MCPH1: variants seen among roughly 807,000 people sequenced by gnomAD.
MCPH1 encodes the protein microcephalin.
A neutral mutation model predicts 84.5 loss-of-function variants in MCPH1; 104 were observed. The observed-to-expected ratio is 1.23, with a 90% CI of 1.05 to 1.45. The LOEUF (loss-of-function observed/expected upper bound fraction) is 1.45, where lower values mean the gene tolerates loss of function less well. MCPH1 is among the 40% of genes most tolerant of loss of function. The pLI is 0.00. For missense variants in MCPH1, 1,498 were observed against 1,005.7 expected, an observed-to-expected ratio of 1.49 and a Z score of -6.62; for synonymous variants, 514 against 366.8, an observed-to-expected ratio of 1.40 and a Z score of -4.58.
intron 12 of MCPH1, chr8:6,563,086 C>G (rs1275404387): frequency 1.4e-5 from 11 of 814,634 alleles, no homozygotes; most frequent in South Asian, 1.2e-4. Context: ...TTTCCAGTAG[C>G]AAACCTGGTT....
At chr8:6,445,858 A>G (rs1804282464) in intron 8 of MCPH1, 1 of 1,086,800 alleles carries the variant, frequency 9.2e-7, no homozygotes, top group African/African-American at 1.7e-5. Flanking sequence ...CTTTTTCCTT[A>G]TTCCATTGGA....
intron 12 of MCPH1, among the ~76,000 whole-genome samples, chr8:6,617,597 C>T (rs1236948168): frequency 6.6e-6 from 1 of 151,800 alleles, no homozygotes; most frequent in Non-Finnish European, 1.5e-5. Context: ...TGCACGCACT[C>T]CTGTTTCTGG....
At chr8:6,421,537 G>C (rs2129552660) in intron 3 of MCPH1, among the ~76,000 whole-genome samples, 1 of 150,644 alleles carries the variant, frequency 6.6e-6, no homozygotes, top group African/African-American at 2.4e-5. Flanking sequence ...AGGTAAGAAT[G>C]GTTAAGAGAA....
intron 12 of MCPH1, among the ~76,000 whole-genome samples, chr8:6,524,125 C>A (rs1817897616): frequency 6.6e-6 from 1 of 152,160 alleles, no homozygotes; most frequent in African/African-American, 2.4e-5. Flanking sequence ...CATTTTCCTT[C>A]CAATATAAAG....
At chr8:6,583,753 G>C (rs1292207296) in intron 12 of MCPH1, among the ~76,000 whole-genome samples, 1 of 151,150 alleles carries the variant, frequency 6.6e-6, no homozygotes, top group East Asian at 1.9e-4. Context: ...CTGTGGCAAA[G>C]ACGCCTCAGC....
chr8:6,489,204 C>G (rs563751489), intron 11 of MCPH1, among the ~76,000 whole-genome samples: 2 of 152,232 alleles, frequency 1.3e-5, no homozygotes, highest in East Asian at 3.9e-4. Flanking sequence ...GAAAGGTTAA[C>G]TATTCACTCC....
chr8:6,408,330 T>A (rs190710698), intron 1 of MCPH1, among the ~76,000 whole-genome samples: 3 of 152,128 alleles, frequency 2.0e-5, no homozygotes, highest in Non-Finnish European at 2.9e-5. Context: ...TTCAGCCTCC[T>A]GAGTAACTTG....
chr8:6,491,680 G>T (rs3020289), intron 11 of MCPH1, among the ~76,000 whole-genome samples: 90,747 of 151,324 alleles, frequency 0.6, 30,149 homozygotes, highest in East Asian at 0.78. Context: ...CTGTGTCCAT[G>T]TCTTCTCATT....
intron 12 of MCPH1, among the ~76,000 whole-genome samples, chr8:6,529,772 C>A (rs181557340): frequency 2.0e-5 from 3 of 151,846 alleles, no homozygotes; most frequent in Non-Finnish European, 2.9e-5. Flanking sequence ...GCTGGCTCAG[C>A]CATTTTCATG....
At chr8:6,424,520 C>A (rs1800767399) in intron 3 of MCPH1, among the ~76,000 whole-genome samples, 1 of 152,238 alleles carries the variant, frequency 6.6e-6, no homozygotes, top group South Asian at 2.1e-4. Context: ...CTTCCCGCCT[C>A]CTCAGCCTTC....
At chr8:6,408,918 C>T (rs1276602562) in intron 1 of MCPH1, among the ~76,000 whole-genome samples, 1 of 151,340 alleles carries the variant, frequency 6.6e-6, no homozygotes, top group Non-Finnish European at 1.5e-5. Flanking sequence ...ACGGGTCTCG[C>T]CCTGTCACCC....
At chr8:6,537,046 G>A (rs1820631285) in intron 12 of MCPH1, among the ~76,000 whole-genome samples, 1 of 151,246 alleles carries the variant, frequency 6.6e-6, no homozygotes, top group Non-Finnish European at 1.5e-5. Flanking sequence ...ACTTGCCTTT[G>A]GAGAATGTTT....
chr8:6,474,957 T>A (rs1441327566), intron 9 of MCPH1, among the ~76,000 whole-genome samples: 1 of 152,256 alleles, frequency 6.6e-6, no homozygotes, highest in African/African-American at 2.4e-5. Flanking sequence ...TGAACTTGAA[T>A]TCTTAAAACA....
chr8:6,436,293 A>C, intron 5 of MCPH1, 131 bp downstream of exon 5: 1 of 1,034,234 alleles, frequency 9.7e-7, no homozygotes, highest in Non-Finnish European at 1.4e-6. Flanking sequence ...ATGAAGGAGA[A>C]AACAAAATGT....
In MCPH1 at chr8:6,516,810, C is replaced by G. The variant is rs181429887; in HGVS notation, c.2214+16881C>G. 1.5e-3 allele frequency among the ~76,000 whole-genome samples: 236 copies of G among 152,260 alleles called. 3 individuals are homozygous for G. The highest frequency in any genetic ancestry group is 5.3e-3 in the African/African-American group (222 of 41,562). On this transcript the variant is annotated intron_variant, in intron 12 of 13. Coordinates refer to ENST00000344683, the MANE Select transcript of MCPH1 (RefSeq NM_024596.5). ...TGTCAAAATTACTGCTATGAAGTTA[C>G]CAGTACTTAAATACATGTTCTATCT...
intron 9 of MCPH1, among the ~76,000 whole-genome samples, chr8:6,472,989 C>A (rs12681195): frequency 0.16 from 23,728 of 152,074 alleles, 1,982 homozygotes; most frequent in Middle Eastern, 0.24. Flanking sequence ...CTAAGAGACA[C>A]GATTTCTTGA....
chr8:6,444,359 T>C (rs764063821), intron 7 of MCPH1, 34 bp from the exon 8 acceptor site: 16 of 1,613,302 alleles, frequency 9.9e-6, no homozygotes, highest in Non-Finnish European at 1.3e-5. Flanking sequence ...TTTAAACCAC[T>C]TTTAAAAGTT....
intron 13 of MCPH1, among the ~76,000 whole-genome samples, chr8:6,631,515 C>A (rs1404449150): frequency 6.6e-6 from 1 of 151,750 alleles, no homozygotes; most frequent in Admixed American, 6.6e-5. Flanking sequence ...CTTGAATAAA[C>A]ATTTCTTCAA....
At chr8:6,444,065 C>A (rs762119161) in intron 7 of MCPH1, among the ~76,000 whole-genome samples, 1 of 152,152 alleles carries the variant, frequency 6.6e-6, no homozygotes. Flanking sequence ...AATTATTGAT[C>A]TCCTGGAAAA....
Sources: allele counts gnomAD v4.1 joint callset (sites outside exome capture counted in the v4.1 genomes callset), GRCh38; gene constraint gnomAD v4.1.1; transcripts MANE v1.5; gene names NCBI Gene and HGNC (gene_info 2026-07-23, HGNC 2026-07-21).